TBCCD1: variants seen among roughly 807,000 people sequenced by gnomAD.
TBCCD1 encodes TBCC domain containing 1, also known as TBCC domain-containing protein 1.
A neutral mutation model predicts 53.4 loss-of-function variants in TBCCD1; 26 were observed. The ratio of observed to expected loss-of-function variants is 0.49; its 90% confidence interval spans 0.36 to 0.68. The LOEUF (loss-of-function observed/expected upper bound fraction) is 0.68, where lower values mean the gene tolerates loss of function less well. Ranked by LOEUF, TBCCD1 falls within the 30% of genes least tolerant of loss-of-function variation. The probability of loss-of-function intolerance (pLI) is 0.00; values close to 1 mark genes in which losing one functional copy is unlikely to be tolerated. For synonymous variants in TBCCD1, 245 were observed against 241.7 expected, an observed-to-expected ratio of 1.01 and a Z score of -0.13; for missense variants, 558 against 669.5, an observed-to-expected ratio of 0.83 and a Z score of 1.84.
Position 186,555,048 on chromosome 3 carries a change from T to C in TBCCD1, c.896A>G (p.Asn299Ser), listed in dbSNP as rs150848431. 5.0e-6 allele frequency: 8 copies of C among 1,610,798 alleles called. No homozygotes were observed. Among genetic ancestry groups the C allele is most frequent in the East Asian group, 2.2e-5 (1 of 44,874 alleles). The change falls in exon 5 of 8, where the codon AAT becomes AGT. Residue 299 changes from asparagine to serine, a missense_variant. Transcript: ENST00000338733. ...GTGCATCCTAGGGGCCACATGAGTA[T>C]TACAAGCAATCTTAGCTCTTTTGGT... ...GTTKRAKIAC[N>S]THVAPRMHRL...
chr3:186,559,429 A>G (rs183995167), intron 2 of TBCCD1, among the ~76,000 whole-genome samples: 1 of 152,278 alleles, frequency 6.6e-6, no homozygotes, highest in East Asian at 1.9e-4. Context: ...AGACAAAAAC[A>G]CTGTTGGTCT....
At position 186,556,669 on chromosome 3, in the gene TBCCD1, T is replaced by C. The variant is rs934365881; in HGVS notation, c.599A>G (p.His200Arg). ...KQLTASFHST[H>R]SSLVSREAVV... ...AGCTTCTCGAGACACTAGACTACTA[T>C]GGGTTGAATGAAATGATGCAGTGAG... The change falls in exon 4 of 8, where the codon CAT becomes CGT. Residue 200 changes from histidine to arginine, a missense_variant. Transcript: ENST00000338733. 6.2e-7 allele frequency: 1 copy of C among 1,614,164 alleles called. No homozygotes were observed.
chr3:186,567,945 A>C (rs543791756), upstream of TBCCD1, among the ~76,000 whole-genome samples: 10 of 152,362 alleles, frequency 6.6e-5, no homozygotes, highest in Non-Finnish European at 1.0e-4. Context: ...TACCGGGCAG[A>C]AGCCATCACT....
At chr3:186,561,397 C>T (rs1192290419) in intron 2 of TBCCD1, among the ~76,000 whole-genome samples, 1 of 152,178 alleles carries the variant, frequency 6.6e-6, no homozygotes, top group Non-Finnish European at 1.5e-5. Flanking sequence ...GAGATATCAC[C>T]TCACACTTGT....
At chr3:186,547,173 A>T (rs1227519011) in intron 7 of TBCCD1, among the ~76,000 whole-genome samples, 1 of 152,178 alleles carries the variant, frequency 6.6e-6, no homozygotes, top group Non-Finnish European at 1.5e-5. Context: ...AATGTAAAAA[A>T]TTGTTAAGCA....
chr3:186,551,618 A>C (rs1714384197), intron 6 of TBCCD1, among the ~76,000 whole-genome samples: 1 of 152,192 alleles, frequency 6.6e-6, no homozygotes, highest in Admixed American at 6.5e-5. Context: ...CACCATTCAC[A>C]TTGTGATCTG....
At chr3:186,570,520 T>A (rs1714990994), upstream of TBCCD1, 4 of 490,322 alleles carry the variant, frequency 8.2e-6, no homozygotes, top group Non-Finnish European at 1.4e-5. Flanking sequence ...AGCGGGTTCC[T>A]GCAGCGGCGC....
chr3:186,564,184 T>C lies in TBCCD1; in HGVS notation c.146A>G (p.Tyr49Cys), dbSNP rs1011278015. The change falls in exon 2 of 8, where the codon TAC (tyrosine) becomes TGC (cysteine). Residue 49 changes from tyrosine to cysteine, a missense_variant. Tyr to Cys is a radical substitution (Grantham distance 194). Coordinates refer to ENST00000338733, the MANE Select transcript of TBCCD1 (RefSeq NM_018138.5). ...YVQIRATEGA[Y>C]PRLYWSTWRH... ...CCATGTAGACCAGTAGAGGCGCGGGTAAGCTCCTTCTGTGGCCCGGATTTG... is the reference window on the plus strand; with the variant it reads ...CCATGTAGACCAGTAGAGGCGCGGGCAAGCTCCTTCTGTGGCCCGGATTTG... 6.2e-7 allele frequency: 1 copy of C among 1,614,156 alleles called. No individual in the cohort carries two copies.
intron 3 of TBCCD1, among the ~76,000 whole-genome samples, chr3:186,557,072 C>T (rs536441237): frequency 2.6e-4 from 40 of 152,196 alleles, no homozygotes; most frequent in African/African-American, 8.4e-4. Context: ...TGGCCCAGGT[C>T]GTCACTTTAA....
chr3:186,559,970 G>C (rs1714647860), intron 2 of TBCCD1, among the ~76,000 whole-genome samples: 1 of 152,046 alleles, frequency 6.6e-6, no homozygotes, highest in Non-Finnish European at 1.5e-5. Flanking sequence ...CCACTTACTT[G>C]TTCTCCATCT....
At chr3:186,550,608 T>C (rs1714344488) in intron 7 of TBCCD1, among the ~76,000 whole-genome samples, 1 of 151,808 alleles carries the variant, frequency 6.6e-6, no homozygotes. Flanking sequence ...AAGAATACCA[T>C]ATGTCTGGAT....
chr3:186,550,225 C>G, intron 7 of TBCCD1, among the ~76,000 whole-genome samples: 1 of 121,594 alleles, frequency 8.2e-6, no homozygotes. Flanking sequence ...GAGACTCTGC[C>G]TCAAAAAAAA....
Position 186,564,308 on chromosome 3 carries a change from G to A in TBCCD1, c.22C>T (p.Leu8Phe). Residue 8 changes from leucine (L) to phenylalanine (F), a missense_variant, in exon 2 of 8, where the codon CTC becomes TTC. Transcript: ENST00000338733. MDQSRVL[L>F]WVKAEPFIVG... ...ATAAAGGGTTCTGCTTTCACCCAGA[G>A]GAGAACTCTGGACTGATCCATATTA... 1 of 1,613,852 alleles carries A rather than the reference G, an allele frequency of 6.2e-7. No individual in the cohort carries two copies. Among genetic ancestry groups the A allele is most frequent in the Non-Finnish European group, 8.5e-7 (1 of 1,179,860 alleles).
rs374358330 is a variant in TBCCD1 at position 186,547,548 on chromosome 3, G to A, written c.*22-593C>T. Among the ~76,000 whole-genome samples, 17 of 150,714 alleles carry A rather than the reference G, an allele frequency of 1.1e-4. No homozygotes were observed. In the East Asian group the frequency reaches 2.2e-3, roughly 19 times the overall value. On this transcript the variant is annotated intron_variant, in intron 7 of 7. Coordinates refer to ENST00000338733, the MANE Select transcript of TBCCD1 (RefSeq NM_018138.5). The stretch of plus-strand genomic sequence containing the variant: ...TGGGATTAGAGACATAGGCCACTGC[G>A]CTCAGCCAAATTGCTAATTCTTAAT...
At chr3:186,568,252 T>A (rs906182242), upstream of TBCCD1, among the ~76,000 whole-genome samples, 1 of 152,008 alleles carries the variant, frequency 6.6e-6, no homozygotes, top group Non-Finnish European at 1.5e-5. Context: ...ATGACAGAAG[T>A]GAACAAAACA....
chr3:186,564,514 G>A (rs779974261), intron 1 of TBCCD1, 142 bp from the exon 2 acceptor site: 2 of 549,898 alleles, frequency 3.6e-6, no homozygotes, highest in Admixed American at 7.2e-5. Flanking sequence ...CACCAACCAA[G>A]AGCAGAACAG....
intron 2 of TBCCD1, among the ~76,000 whole-genome samples, chr3:186,560,813 G>A (rs1343664461): frequency 6.6e-6 from 1 of 152,214 alleles, no homozygotes; most frequent in Non-Finnish European, 1.5e-5. Flanking sequence ...CATGAGTCCA[G>A]AAACAAACTC....
Position 186,555,842 on chromosome 3 carries a change from G to A in TBCCD1, c.859+567C>T, listed in dbSNP as rs148811281. Among the ~76,000 whole-genome samples the A allele has an allele frequency of 1.9e-3, 293 of 152,136 alleles. 1 individual carries two copies. The highest frequency in any genetic ancestry group is 6.5e-3 in the African/African-American group (270 of 41,486). On this transcript the variant is annotated intron_variant, in intron 4 of 7. Transcript: ENST00000338733. ...GCTGGGATTACAGGTGTGAGCCACC[G>A]CACCCAGCCTGAGTTCATGTCTTTA... is the stretch of plus-strand genomic sequence containing the variant.
Position 186,556,578 on chromosome 3 carries a change from A to G in TBCCD1, c.690T>C (p.His230=), listed in dbSNP as rs1442946903. 1.1e-5 allele frequency: 17 copies of G among 1,614,088 alleles called. No individual in the cohort carries two copies. The highest frequency in any genetic ancestry group is 1.4e-5 in the Non-Finnish European group (16 of 1,180,028). The change falls in exon 4 of 8, where the codon CAT becomes CAC. Residue 230 remains histidine (H), a synonymous_variant. Coordinates refer to ENST00000338733, the MANE Select transcript of TBCCD1 (RefSeq NM_018138.5). ...GCAGTGGTTGCCACAGTGCAAGTTCATGAAGTGGATAGATCTTCCTGGCTC... is the reference window on the plus strand; with the variant it reads ...GCAGTGGTTGCCACAGTGCAAGTTCGTGAAGTGGATAGATCTTCCTGGCTC... ...ISRARKIYPL[H]ELALWQPLHA...
Sources: gnomAD v4.1 joint callset for allele counts (sites outside exome capture counted in the v4.1 genomes callset) on GRCh38, gnomAD v4.1.1 for gene constraint, MANE v1.5 for transcripts, NCBI Gene and HGNC (gene_info 2026-07-23, HGNC 2026-07-21) for gene names.